The following NR6A1 variants were observed in gnomAD, a reference collection of about 807,000 sequenced individuals.
NR6A1 encodes retinoic acid receptor-related testis-associated receptor.
Under a neutral mutation model 59.1 loss-of-function variants are expected in NR6A1, and 7 were observed. That is an observed-to-expected ratio of 0.12 (90% confidence interval 0.07 to 0.22). The LOEUF (loss-of-function observed/expected upper bound fraction) is 0.22. NR6A1 is among the 10% of genes least tolerant of loss of function. NR6A1 has a pLI of 1.00. For synonymous variants in NR6A1, 243 were observed against 236.1 expected, an observed-to-expected ratio of 1.03 and a Z score of -0.27; for missense variants, 468 against 611.6, an observed-to-expected ratio of 0.77 and a Z score of 2.48.
chr9:124,712,376 A>G lies in NR6A1; in HGVS notation c.142+20932T>C, dbSNP rs537265091. On this transcript the variant is annotated intron_variant, in intron 2 of 9. Coordinates refer to ENST00000487099, the MANE Select transcript of NR6A1 (RefSeq NM_033334.4). ...GTAATCCCAGCACTTTGGGAGGCCG[A>G]GGCAAGGGGACCACTTGAGGCCAGG... Among the ~76,000 whole-genome samples the G allele has an allele frequency of 6.0e-4, 91 of 152,260 alleles. 1 individual carries two copies. The South Asian group carries it at 0.018, about 31-fold the overall frequency.
intron 2 of NR6A1, among the ~76,000 whole-genome samples, chr9:124,562,988 T>C (rs1278757767): frequency 6.6e-6 from 1 of 152,230 alleles, no homozygotes; most frequent in Non-Finnish European, 1.5e-5. Flanking sequence ...TTGTACAATC[T>C]GGGGTCTTGT....
At chr9:124,584,298 A>C (rs924936568) in intron 2 of NR6A1, among the ~76,000 whole-genome samples, 16 of 151,786 alleles carry the variant, frequency 1.1e-4, no homozygotes, top group African/African-American at 3.9e-4. Flanking sequence ...AGTAGAGACG[A>C]GGTTTCACCT....
chr9:124,729,522 T>G (rs1349200991), intron 2 of NR6A1, among the ~76,000 whole-genome samples: 2 of 152,170 alleles, frequency 1.3e-5, no homozygotes, highest in Admixed American at 6.5e-5. Flanking sequence ...AGGTCAAGAC[T>G]GCAGTGAGCC....
intron 2 of NR6A1, among the ~76,000 whole-genome samples, chr9:124,585,500 C>A (rs1384858013): frequency 7.2e-6 from 1 of 139,584 alleles, no homozygotes; most frequent in African/African-American, 2.7e-5. Flanking sequence ...GCCGAGATCA[C>A]GCCACTGCAC....
intron 2 of NR6A1, among the ~76,000 whole-genome samples, chr9:124,707,230 CATCT>C (rs1839159232): frequency 6.6e-6 from 1 of 152,020 alleles, no homozygotes; most frequent in African/African-American, 2.4e-5. Flanking sequence ...ATTTTTAATT[CATCT>C]ATCTACAAGT....
At chr9:124,747,568 A>G (rs1435409556) in intron 1 of NR6A1, among the ~76,000 whole-genome samples, 1 of 152,110 alleles carries the variant, frequency 6.6e-6, no homozygotes, top group Non-Finnish European at 1.5e-5. Flanking sequence ...TCTATTGTCA[A>G]TGTCTACCAG....
intron 2 of NR6A1, among the ~76,000 whole-genome samples, chr9:124,664,135 C>T (rs1355402668): frequency 2.0e-5 from 3 of 152,212 alleles, no homozygotes; most frequent in Non-Finnish European, 4.4e-5. Flanking sequence ...TTTCCTACTA[C>T]ATCTGTGGAT....
chr9:124,621,285 G>C (rs2130860887), intron 2 of NR6A1, among the ~76,000 whole-genome samples: 1 of 152,292 alleles, frequency 6.6e-6, no homozygotes, highest in African/African-American at 2.4e-5. Context: ...GATATGCATA[G>C]ATTCCCTGAC....
At chr9:124,556,316 C>T (rs150575083) in intron 2 of NR6A1, among the ~76,000 whole-genome samples, 27 of 152,088 alleles carry the variant, frequency 1.8e-4, no homozygotes, top group African/African-American at 5.8e-4. Flanking sequence ...GAAGGTGATA[C>T]GAAGACAGAG....
Position 124,635,908 on chromosome 9 carries a change from A to G in NR6A1, c.143-81338T>C, listed in dbSNP as rs192073792. The stretch of plus-strand genomic sequence containing the variant: ...GAGAAAACTGCTAGATCATATGGTA[A>G]GAGTATGTTTAATTTTGTAAGACAA... On this transcript the variant is annotated intron_variant, in intron 2 of 9. Transcript: ENST00000487099. 9.8e-5 allele frequency among the ~76,000 whole-genome samples: 15 copies of G among 152,368 alleles called. No individual in the cohort carries two copies. In the East Asian group the frequency reaches 2.7e-3, roughly 27 times the overall value.
chr9:124,676,282 A>C (rs942939142), intron 2 of NR6A1, among the ~76,000 whole-genome samples: 1 of 152,200 alleles, frequency 6.6e-6, no homozygotes, highest in African/African-American at 2.4e-5. Flanking sequence ...ATTGAGCTGC[A>C]AACTCTGGCA....
chr9:124,716,254 C>T (rs894727172), intron 2 of NR6A1, among the ~76,000 whole-genome samples: 2 of 152,078 alleles, frequency 1.3e-5, no homozygotes, highest in Non-Finnish European at 2.9e-5. Context: ...TGGTGCCAAA[C>T]AAATGAATAT....
At chr9:124,631,576 A>G (rs924381523) in intron 2 of NR6A1, among the ~76,000 whole-genome samples, 3 of 152,200 alleles carry the variant, frequency 2.0e-5, no homozygotes, top group Non-Finnish European at 4.4e-5. Context: ...ATCTTTCCCC[A>G]AACACCACTG....
intron 2 of NR6A1, among the ~76,000 whole-genome samples, chr9:124,565,596 T>A (rs1208427428): frequency 6.6e-6 from 1 of 152,000 alleles, no homozygotes; most frequent in Non-Finnish European, 1.5e-5. Flanking sequence ...TACAAAGAGC[T>A]CATATTCCAA....
intron 2 of NR6A1, among the ~76,000 whole-genome samples, chr9:124,607,818 G>A (rs1329341625): frequency 1.3e-5 from 2 of 152,174 alleles, no homozygotes; most frequent in East Asian, 3.8e-4. Context: ...TCTAAGTTAG[G>A]ATGATCGCTT....
chr9:124,700,922 A>G (rs1035690575), intron 2 of NR6A1, among the ~76,000 whole-genome samples: 2 of 151,696 alleles, frequency 1.3e-5, no homozygotes, highest in African/African-American at 4.8e-5. Flanking sequence ...CAACGCACCC[A>G]GCTAATTTTT....
chr9:124,731,260 C>T (rs1290027619), intron 2 of NR6A1, among the ~76,000 whole-genome samples: 1 of 151,988 alleles, frequency 6.6e-6, no homozygotes, highest in Non-Finnish European at 1.5e-5. Flanking sequence ...GTCCCAGCTA[C>T]TCCGGAGGCT....
In NR6A1 at chr9:124,520,179, A is replaced by T. The variant is rs1832770729; in HGVS notation, c.*2526T>A. 6.6e-6 allele frequency: 1 copy of T among 151,856 alleles called. No homozygotes were observed. The highest frequency in any genetic ancestry group is 2.4e-5 in the African/African-American group (1 of 41,272). 9.4% of individuals were successfully genotyped at this position (151,856 alleles called of 1,614,324 possible). A position where few individuals can be genotyped will look rare whatever the true frequency, so the allele number is the denominator to read the frequency against. ...CTAATGTCTCCACGCTGCTAGCTACACTCCTACCTTCTCCTCATAATACCT... is the reference window on the plus strand; with the variant it reads ...CTAATGTCTCCACGCTGCTAGCTACTCTCCTACCTTCTCCTCATAATACCT... On this transcript the variant is annotated 3_prime_UTR_variant, in exon 10 of 10. Coordinates refer to ENST00000487099, the MANE Select transcript of NR6A1 (RefSeq NM_033334.4).
At chr9:124,609,174 A>G (rs1048264427) in intron 2 of NR6A1, among the ~76,000 whole-genome samples, 1 of 151,936 alleles carries the variant, frequency 6.6e-6, no homozygotes, top group African/African-American at 2.4e-5. Flanking sequence ...TCATCATGGA[A>G]TCTCTGTCTG....
Sources: allele counts gnomAD v4.1 joint callset (sites outside exome capture counted in the v4.1 genomes callset), GRCh38; gene constraint gnomAD v4.1.1; transcripts MANE v1.5; gene names NCBI Gene and HGNC (gene_info 2026-07-23, HGNC 2026-07-21).